EXOC4: variants seen among roughly 807,000 people sequenced by gnomAD.
The protein encoded by EXOC4 is SEC8-like 1.
In EXOC4, 71 loss-of-function variants were observed where a neutral mutation model predicts 107.2. That is an observed-to-expected ratio of 0.66 (90% CI 0.55 to 0.81). The LOEUF (loss-of-function observed/expected upper bound fraction) is 0.81, where lower values mean the gene tolerates loss of function less well. Among genes scored for constraint, EXOC4 ranks in the 30% least tolerant of loss-of-function variants. The pLI, the probability that EXOC4 is intolerant of heterozygous loss-of-function variation, is 0.00. For synonymous variants in EXOC4, 456 were observed against 441.2 expected, an observed-to-expected ratio of 1.03 and a Z score of -0.42; for missense variants, 1,108 against 1,189.6, an observed-to-expected ratio of 0.93 and a Z score of 1.01.
At chr7:133,931,415 G>C (rs576301934) in intron 13 of EXOC4, among the ~76,000 whole-genome samples, 1 of 152,116 alleles carries the variant, frequency 6.6e-6, no homozygotes, top group African/African-American at 2.4e-5. Context: ...GGAGTACAAA[G>C]ACTTAATTGT....
chr7:133,956,268 G>A (rs1245088004), intron 14 of EXOC4, among the ~76,000 whole-genome samples: 3 of 152,088 alleles, frequency 2.0e-5, no homozygotes, highest in Non-Finnish European at 4.4e-5. Context: ...GCAGTCTCCA[G>A]ATTCTTTCCA....
chr7:133,725,244 T>C (rs1388293205), intron 10 of EXOC4, among the ~76,000 whole-genome samples: 1 of 152,212 alleles, frequency 6.6e-6, no homozygotes, highest in African/African-American at 2.4e-5. Flanking sequence ...GGTTGCTTTA[T>C]GGAGAATAGT....
chr7:133,326,530 C>A (rs1393745941), intron 5 of EXOC4, among the ~76,000 whole-genome samples: 2 of 152,178 alleles, frequency 1.3e-5, no homozygotes, highest in Non-Finnish European at 2.9e-5. Flanking sequence ...GTGAATATTG[C>A]TGAACAGCAA....
chr7:133,428,192 A>G (rs912356387), intron 7 of EXOC4, among the ~76,000 whole-genome samples: 1 of 152,116 alleles, frequency 6.6e-6, no homozygotes. Context: ...AAATTTTTCA[A>G]TTTTATTCAC....
chr7:133,967,326 A>G (rs764328494), intron 14 of EXOC4, among the ~76,000 whole-genome samples: 11 of 151,514 alleles, frequency 7.3e-5, no homozygotes, highest in Admixed American at 4.6e-4. Flanking sequence ...GTCTCTTTCA[A>G]TTCTGCTCTA....
At chr7:133,956,920 G>A (rs1041794863) in intron 14 of EXOC4, among the ~76,000 whole-genome samples, 2 of 152,032 alleles carry the variant, frequency 1.3e-5, no homozygotes, top group African/African-American at 4.8e-5. Context: ...GGCCTGTACA[G>A]AGAGCATGTT....
At chr7:133,706,547 A>G (rs1473819191) in intron 10 of EXOC4, among the ~76,000 whole-genome samples, 1 of 152,246 alleles carries the variant, frequency 6.6e-6, no homozygotes, top group Admixed American at 6.5e-5. Context: ...CCACATTTAA[A>G]AAGTGTAAAG....
At chr7:133,692,574 A>G (rs948904071) in intron 10 of EXOC4, among the ~76,000 whole-genome samples, 1 of 152,232 alleles carries the variant, frequency 6.6e-6, no homozygotes, top group Non-Finnish European at 1.5e-5. Flanking sequence ...CATCTTATCC[A>G]TATTTGAGTG....
intron 7 of EXOC4, among the ~76,000 whole-genome samples, chr7:133,444,086 G>A (rs1563068249): frequency 6.6e-6 from 1 of 152,160 alleles, no homozygotes; most frequent in African/African-American, 2.4e-5. Flanking sequence ...CATAAGAGTG[G>A]AGTGTAGCTC....
chr7:133,675,147 G>A (rs1794027295), intron 10 of EXOC4, among the ~76,000 whole-genome samples: 1 of 152,150 alleles, frequency 6.6e-6, no homozygotes, highest in Admixed American at 6.5e-5. Flanking sequence ...TAGTTTTGGA[G>A]GGTTGTGTTT....
intron 5 of EXOC4, among the ~76,000 whole-genome samples, chr7:133,339,772 A>C (rs1486307834): frequency 6.6e-6 from 1 of 152,088 alleles, no homozygotes; most frequent in Admixed American, 6.6e-5. Flanking sequence ...TTTTGCAGTT[A>C]TTGTAAAACA....
intron 17 of EXOC4, among the ~76,000 whole-genome samples, chr7:134,026,626 C>A (rs576320092): frequency 6.6e-6 from 1 of 151,550 alleles, no homozygotes; most frequent in Non-Finnish European, 1.5e-5. Context: ...CACTACCATA[C>A]TGAGTTTATT....
In EXOC4 at chr7:133,677,263, A is replaced by C. The variant is rs548693508; in HGVS notation, c.1514+47122A>C. 1.1e-4 allele frequency among the ~76,000 whole-genome samples: 16 copies of C among 152,282 alleles called. 1 individual carries two copies. In the South Asian group the frequency reaches 2.3e-3, roughly 22 times the overall value. On this transcript the variant is annotated intron_variant, in intron 10 of 17. Transcript: ENST00000253861. ...TTGTTGTTTCTAGGAACAAATGACA[A>C]ATCCCATGTCTTTGTCATTCCATAA...
At chr7:133,761,449 A>G (rs1796030125) in intron 10 of EXOC4, among the ~76,000 whole-genome samples, 1 of 152,288 alleles carries the variant, frequency 6.6e-6, no homozygotes, top group Non-Finnish European at 1.5e-5. Flanking sequence ...GAAAAGAGTC[A>G]ATCTATAGTA....
intron 13 of EXOC4, among the ~76,000 whole-genome samples, chr7:133,932,917 AG>A (rs1800212969): frequency 6.6e-6 from 1 of 151,266 alleles, no homozygotes; most frequent in Admixed American, 6.6e-5. Context: ...ACCAGGAGAG[AG>A]AGAGAGAGAG....
intron 10 of EXOC4, among the ~76,000 whole-genome samples, chr7:133,749,307 A>G (rs1007944104): frequency 6.6e-6 from 1 of 152,178 alleles, no homozygotes; most frequent in Non-Finnish European, 1.5e-5. Flanking sequence ...TTTTATCCAT[A>G]TCTCTGGGTC....
intron 16 of EXOC4, among the ~76,000 whole-genome samples, 180 bp downstream of exon 16, chr7:134,005,270 C>T (rs552636709): frequency 4.6e-5 from 7 of 152,226 alleles, no homozygotes; most frequent in South Asian, 2.1e-4. Flanking sequence ...ACAATATGGC[C>T]GCCATCTGCT....
At chr7:133,475,641 A>G (rs2150849573) in intron 8 of EXOC4, among the ~76,000 whole-genome samples, 168 bp downstream of exon 8, 1 of 152,318 alleles carries the variant, frequency 6.6e-6, no homozygotes, top group East Asian at 1.9e-4. Flanking sequence ...TGTCAGGTGA[A>G]GTGGTTGTTT....
intron 10 of EXOC4, among the ~76,000 whole-genome samples, chr7:133,691,005 C>G (rs962093445): frequency 6.6e-6 from 1 of 152,082 alleles, no homozygotes; most frequent in African/African-American, 2.4e-5. Flanking sequence ...AAATTTCTGC[C>G]CTGCTTTTAA....
Sources: allele counts gnomAD v4.1 joint callset (sites outside exome capture counted in the v4.1 genomes callset), GRCh38; gene constraint gnomAD v4.1.1; transcripts MANE v1.5; gene names NCBI Gene and HGNC (gene_info 2026-07-23, HGNC 2026-07-21).